Variants in CNTNAP5 observed in about 807,000 individuals in gnomAD.
CNTNAP5 encodes contactin-associated protein-like 5.
A neutral mutation model predicts 150.2 loss-of-function variants in CNTNAP5; 72 were observed. The observed-to-expected ratio is 0.48, with a 90% CI of 0.40 to 0.58. The LOEUF (loss-of-function observed/expected upper bound fraction) is 0.58, where lower values mean the gene tolerates loss of function less well. Ranked by LOEUF, CNTNAP5 falls within the 20% of genes least tolerant of loss-of-function variation. The probability of loss-of-function intolerance (pLI) is 0.00; values close to 1 mark genes in which losing one functional copy is unlikely to be tolerated. For synonymous variants in CNTNAP5, 672 were observed against 619.8 expected (o/e 1.08, Z -1.25); for missense variants, 1,636 against 1,626.2 (o/e 1.01, Z -0.10).
chr2:124,278,511 G>C (rs1384885551), intron 3 of CNTNAP5, among the ~76,000 whole-genome samples: 3 of 152,096 alleles, frequency 2.0e-5, no homozygotes, highest in Non-Finnish European at 4.4e-5. Flanking sequence ...CAAAGCCCTA[G>C]ACAGTCAGTG....
intron 3 of CNTNAP5, among the ~76,000 whole-genome samples, chr2:124,416,434 T>C (rs1339207036): frequency 6.6e-6 from 1 of 151,908 alleles, no homozygotes; most frequent in Non-Finnish European, 1.5e-5. Flanking sequence ...CACATCCAAA[T>C]AAAGGCTATG....
chr2:124,053,253 C>A (rs539962660), intron 1 of CNTNAP5, among the ~76,000 whole-genome samples: 1 of 152,104 alleles, frequency 6.6e-6, no homozygotes, highest in East Asian at 1.9e-4. Context: ...TGAAGCAGAA[C>A]CAAAAATCAT....
intron 13 of CNTNAP5, among the ~76,000 whole-genome samples, chr2:124,736,644 A>G (rs965456323): frequency 6.6e-6 from 1 of 152,198 alleles, no homozygotes; most frequent in Admixed American, 6.5e-5. Context: ...TGGAGATGTG[A>G]CTAAAATGGA....
intron 1 of CNTNAP5, among the ~76,000 whole-genome samples, chr2:124,177,608 A>G (rs1341852788): frequency 6.6e-6 from 1 of 152,188 alleles, no homozygotes; most frequent in Non-Finnish European, 1.5e-5. Context: ...AGAAACAGAT[A>G]CATGAATGTA....
chr2:124,889,874 T>A (rs2104746976), intron 21 of CNTNAP5, among the ~76,000 whole-genome samples: 1 of 152,230 alleles, frequency 6.6e-6, no homozygotes, highest in South Asian at 2.1e-4. Flanking sequence ...TGTGCTAGGA[T>A]GCTGGGAATA....
At chr2:124,798,565 A>T (rs979518112) in intron 19 of CNTNAP5, among the ~76,000 whole-genome samples, 1 of 152,240 alleles carries the variant, frequency 6.6e-6, no homozygotes, top group South Asian at 2.1e-4. Flanking sequence ...ACTGAATAGC[A>T]GTAATTCTTT....
rs115466069 is a variant in CNTNAP5 at position 124,184,671 on chromosome 2, C to T, written c.83-37034C>T. 3.2e-3 allele frequency among the ~76,000 whole-genome samples: 491 copies of T among 152,228 alleles called. 1 individual carries two copies. Among genetic ancestry groups the T allele is most frequent in the Non-Finnish European group, 4.8e-3 (324 of 68,012 alleles). On this transcript the variant is annotated intron_variant, in intron 1 of 23. Coordinates refer to ENST00000682447, the MANE Select transcript of CNTNAP5 (RefSeq NM_001367498.1). ...CACCCTTTGAGTCACAATGGCATTG[C>T]TATTTATTACATTGTGCTAAAGTGC...
At chr2:124,819,006 T>C (rs944771732) in intron 19 of CNTNAP5, among the ~76,000 whole-genome samples, 2 of 152,072 alleles carry the variant, frequency 1.3e-5, no homozygotes, top group Admixed American at 6.6e-5. Context: ...GGGCCCTACA[T>C]GTCACCTTGT....
chr2:124,225,373 C>A (rs1349509121), intron 2 of CNTNAP5, among the ~76,000 whole-genome samples: 1 of 152,120 alleles, frequency 6.6e-6, no homozygotes, highest in Non-Finnish European at 1.5e-5. Context: ...GTGCTATTGG[C>A]CAAAGCACCA....
intron 4 of CNTNAP5, among the ~76,000 whole-genome samples, chr2:124,419,760 C>CT (rs527467834): frequency 4.6e-5 from 7 of 151,776 alleles, no homozygotes; most frequent in Non-Finnish European, 1.0e-4. Context: ...TGCTTTGGTA[C>CT]TTTTTTTTAT....
At chr2:124,225,843 A>G (rs1033043002) in intron 2 of CNTNAP5, among the ~76,000 whole-genome samples, 1 of 152,146 alleles carries the variant, frequency 6.6e-6, no homozygotes, top group Non-Finnish European at 1.5e-5. Flanking sequence ...AACATTTTTC[A>G]GATTCCTCAT....
intron 16 of CNTNAP5, among the ~76,000 whole-genome samples, chr2:124,765,009 G>T (rs927603835): frequency 6.6e-6 from 1 of 151,950 alleles, no homozygotes; most frequent in Admixed American, 6.6e-5. Context: ...AAGAGAGTGT[G>T]CTCATGTCCA....
chr2:124,285,730 G>A (rs1688133958), intron 3 of CNTNAP5, among the ~76,000 whole-genome samples: 3 of 152,156 alleles, frequency 2.0e-5, no homozygotes, highest in Non-Finnish European at 4.4e-5. Flanking sequence ...TTGAGCCCAG[G>A]AGGTAGAGGT....
At chr2:124,201,050 T>G (rs1685715702) in intron 1 of CNTNAP5, among the ~76,000 whole-genome samples, 4 of 152,104 alleles carry the variant, frequency 2.6e-5, no homozygotes, top group Admixed American at 2.6e-4. Flanking sequence ...CTCTTTTTGC[T>G]GGGCCACCCA....
At chr2:124,680,711 A>G (rs992176992) in intron 13 of CNTNAP5, 6 of 151,572 alleles carry the variant, frequency 4.0e-5, no homozygotes, top group Non-Finnish European at 7.4e-5. Flanking sequence ...ACTATATATT[A>G]TTGTCATTCA....
intron 13 of CNTNAP5, among the ~76,000 whole-genome samples, chr2:124,703,191 T>C (rs139962904): frequency 3.7e-5 from 4 of 107,258 alleles, no homozygotes; most frequent in Non-Finnish European, 9.0e-5. Context: ...CCTCTCCTTC[T>C]TTCCTTCCTT....
intron 3 of CNTNAP5, among the ~76,000 whole-genome samples, chr2:124,302,918 G>A (rs1688599407): frequency 6.6e-6 from 1 of 152,182 alleles, no homozygotes; most frequent in African/African-American, 2.4e-5. Context: ...GATCTTGCAT[G>A]TTTACTGCTC....
At chr2:124,060,269 G>A (rs1235278739) in intron 1 of CNTNAP5, among the ~76,000 whole-genome samples, 3 of 152,160 alleles carry the variant, frequency 2.0e-5, no homozygotes, top group Admixed American at 2.0e-4. Context: ...AATAAGGCTA[G>A]GCAGTTCTCA....
At chr2:124,640,698 A>G (rs1678072554) in intron 12 of CNTNAP5, among the ~76,000 whole-genome samples, 1 of 152,034 alleles carries the variant, frequency 6.6e-6, no homozygotes, top group Non-Finnish European at 1.5e-5. Flanking sequence ...GGTGCAATGT[A>G]CCCCCTCAGT....
Sources: gnomAD v4.1 joint callset for allele counts (sites outside exome capture counted in the v4.1 genomes callset) on GRCh38, gnomAD v4.1.1 for gene constraint, MANE v1.5 for transcripts, NCBI Gene and HGNC (gene_info 2026-07-23, HGNC 2026-07-21) for gene names.